The following CDH20 variants were observed in gnomAD, a reference collection of about 807,000 sequenced individuals.
CDH20 encodes cadherin-20.
In CDH20, 29 loss-of-function variants were observed where a neutral mutation model predicts 74.2. The observed-to-expected ratio is 0.39, with a 90% CI of 0.29 to 0.53. CDH20 has a LOEUF of 0.53. Among genes scored for constraint, CDH20 ranks in the 20% least tolerant of loss-of-function variants. The probability of loss-of-function intolerance (pLI) is 0.69; values close to 1 mark genes in which losing one functional copy is unlikely to be tolerated. For synonymous variants in CDH20, 469 were observed against 405.4 expected (o/e 1.16, Z -1.88); for missense variants, 988 against 1,048.3 (o/e 0.94, Z 0.79).
At chr18:61,375,023 C>A (rs1437599753) in intron 1 of CDH20, among the ~76,000 whole-genome samples, 1 of 152,088 alleles carries the variant, frequency 6.6e-6, no homozygotes, top group Non-Finnish European at 1.5e-5. Context: ...ACAGAATTTA[C>A]TAAAAAGTAT....
In CDH20 at chr18:61,372,124, AT is replaced by A. The variant is rs563322698; in HGVS notation, c.-153+38298del. On this transcript the variant is annotated intron_variant, in intron 1 of 11. Coordinates refer to ENST00000262717, the MANE Select transcript of CDH20 (RefSeq NM_031891.4). ...TGTGTATGTAAATAGTGCACACTAA[AT>A]AAAAGTTATTTTTAAAGTTTTATGC... is the stretch of plus-strand genomic sequence containing the variant. Among the ~76,000 whole-genome samples, 294 of 152,244 alleles carry A rather than the reference AT, an allele frequency of 1.9e-3. 1 individual carries two copies. The highest frequency in any genetic ancestry group is 6.8e-3 in the African/African-American group (283 of 41,570).
At chr18:61,488,683 T>C (rs1910852765) in intron 1 of CDH20, among the ~76,000 whole-genome samples, 2 of 150,702 alleles carry the variant, frequency 1.3e-5, no homozygotes, top group African/African-American at 4.9e-5. Flanking sequence ...TTTTATGGTT[T>C]ACTAATCACA....
At chr18:61,523,293 T>C (rs1410887365) in intron 6 of CDH20, among the ~76,000 whole-genome samples, 1 of 151,728 alleles carries the variant, frequency 6.6e-6, no homozygotes, top group East Asian at 1.9e-4. Flanking sequence ...AAGACATTTA[T>C]GCAGCCAACA....
At chr18:61,460,616 C>G (rs917284349) in intron 1 of CDH20, among the ~76,000 whole-genome samples, 9 of 152,158 alleles carry the variant, frequency 5.9e-5, no homozygotes, top group African/African-American at 1.9e-4. Context: ...GCATGACAGA[C>G]ACCCATGGGA....
chr18:61,453,579 G>A (rs1232081412), intron 1 of CDH20, among the ~76,000 whole-genome samples: 5 of 152,088 alleles, frequency 3.3e-5, no homozygotes, highest in East Asian at 1.9e-4. Flanking sequence ...ACGCCCAGCC[G>A]ATCTAACCTT....
At chr18:61,545,729 T>A (rs369868620) in intron 10 of CDH20, among the ~76,000 whole-genome samples, 85 of 152,104 alleles carry the variant, frequency 5.6e-4, no homozygotes, top group African/African-American at 1.9e-3. Flanking sequence ...CTCCAAACAA[T>A]AAGGAGACAA....
intron 1 of CDH20, among the ~76,000 whole-genome samples, chr18:61,384,429 G>A (rs1011052451): frequency 6.6e-6 from 1 of 152,108 alleles, no homozygotes; most frequent in Non-Finnish European, 1.5e-5. Context: ...CCTGCCCTAT[G>A]CCGAGAAAAC....
At chr18:61,512,691 T>C (rs1448917711) in intron 6 of CDH20, among the ~76,000 whole-genome samples, 1 of 152,196 alleles carries the variant, frequency 6.6e-6, no homozygotes, top group Admixed American at 6.5e-5. Flanking sequence ...CCAGAGATTC[T>C]GGTATGTTGT....
chr18:61,341,784 G>T (rs1283479639), intron 1 of CDH20, among the ~76,000 whole-genome samples: 1 of 152,136 alleles, frequency 6.6e-6, no homozygotes, highest in African/African-American at 2.4e-5. Flanking sequence ...TAACACTTTT[G>T]TGCTACCATT....
At chr18:61,501,359 C>A in intron 4 of CDH20, among the ~76,000 whole-genome samples, 1 of 146,064 alleles carries the variant, frequency 6.8e-6, no homozygotes, top group Non-Finnish European at 1.5e-5. Context: ...TTATCTTATA[C>A]TTGTGCCAGG....
chr18:61,535,121 G>A (rs181677659), intron 7 of CDH20, among the ~76,000 whole-genome samples: 13 of 152,038 alleles, frequency 8.6e-5, no homozygotes, highest in Admixed American at 7.9e-4. Context: ...TTTGAGACCC[G>A]ACTGGCCAAC....
At chr18:61,532,666 A>G (rs1383573696) in intron 7 of CDH20, among the ~76,000 whole-genome samples, 7 of 151,994 alleles carry the variant, frequency 4.6e-5, no homozygotes, top group South Asian at 4.1e-4. Context: ...TTTTCTTTCT[A>G]TGCTAATCAT....
intron 1 of CDH20, among the ~76,000 whole-genome samples, chr18:61,397,182 C>T (rs1479184445): frequency 6.6e-6 from 1 of 152,088 alleles, no homozygotes; most frequent in Non-Finnish European, 1.5e-5. Context: ...TGACTCCTTC[C>T]CTAAGACTTT....
chr18:61,373,636 G>A (rs1461892525), intron 1 of CDH20, among the ~76,000 whole-genome samples: 1 of 152,096 alleles, frequency 6.6e-6, no homozygotes, highest in Non-Finnish European at 1.5e-5. Flanking sequence ...GATGACAGAA[G>A]AAAGTATAAC....
intron 1 of CDH20, among the ~76,000 whole-genome samples, chr18:61,386,733 G>A (rs1043117828): frequency 6.6e-6 from 1 of 152,080 alleles, no homozygotes; most frequent in Non-Finnish European, 1.5e-5. Flanking sequence ...AGAATGTTAA[G>A]CTTTTAAAAT....
At chr18:61,549,889 T>C (rs1913371321) in intron 10 of CDH20, 89 bp from the exon 11 acceptor site, 1 of 1,389,602 alleles carries the variant, frequency 7.2e-7, no homozygotes, top group African/African-American at 1.4e-5. Flanking sequence ...CTTTCCTTCC[T>C]ACACCCTGCC....
At chr18:61,349,628 A>T (rs750986360) in intron 1 of CDH20, among the ~76,000 whole-genome samples, 4 of 152,154 alleles carry the variant, frequency 2.6e-5, no homozygotes, top group Non-Finnish European at 5.9e-5. Flanking sequence ...AGCACCTAGG[A>T]GTTCTGCAAT....
At chr18:61,415,382 C>A (rs953234594) in intron 1 of CDH20, among the ~76,000 whole-genome samples, 10 of 152,150 alleles carry the variant, frequency 6.6e-5, no homozygotes, top group Admixed American at 6.5e-4. Flanking sequence ...CAAGTAAATG[C>A]TGGAGCACAG....
chr18:61,407,666 G>A (rs990344619), intron 1 of CDH20, among the ~76,000 whole-genome samples: 6 of 152,054 alleles, frequency 3.9e-5, no homozygotes, highest in Non-Finnish European at 7.3e-5. Context: ...AGGACACAAC[G>A]TCACTTTTGT....
Sources: gnomAD v4.1 joint callset for allele counts (sites outside exome capture counted in the v4.1 genomes callset) on GRCh38, gnomAD v4.1.1 for gene constraint, MANE v1.5 for transcripts, NCBI Gene and HGNC (gene_info 2026-07-23, HGNC 2026-07-21) for gene names.